The following RBPMS variants were observed in gnomAD, a reference collection of about 807,000 sequenced individuals.
RBPMS encodes the protein RNA binding protein, mRNA processing factor.
RBPMS carries 7 observed loss-of-function variants against 26.8 expected under a neutral mutation model. The ratio of observed to expected loss-of-function variants is 0.26; its 90% CI spans 0.15 to 0.49. RBPMS has a LOEUF of 0.49. RBPMS is among the 20% of genes least tolerant of loss of function. The probability of loss-of-function intolerance (pLI) is 0.98; values close to 1 mark genes in which losing one functional copy is unlikely to be tolerated. For missense variants in RBPMS, 186 were observed against 250.0 expected (o/e 0.74, Z 1.73); for synonymous variants, 96 against 93.3 (o/e 1.03, Z -0.17).
At chr8:30,498,599 T>C (rs566260902) in intron 4 of RBPMS, among the ~76,000 whole-genome samples, 1 of 152,158 alleles carries the variant, frequency 6.6e-6, no homozygotes, top group South Asian at 2.1e-4. Context: ...CCAAATAATA[T>C]ACATATTGGC....
chr8:30,477,561 G>A (rs979142385), intron 2 of RBPMS, among the ~76,000 whole-genome samples: 19 of 152,006 alleles, frequency 1.2e-4, no homozygotes, highest in African/African-American at 4.4e-4. Flanking sequence ...AAAAAAAATA[G>A]AAGGAAGAGA....
intron 1 of RBPMS, among the ~76,000 whole-genome samples, chr8:30,388,478 T>C (rs1292405231): frequency 1.1e-4 from 12 of 107,800 alleles, no homozygotes; most frequent in African/African-American, 4.1e-4. Flanking sequence ...CTTATAGCTA[T>C]AGCTATAAGC....
chr8:30,541,655 CAAT>C (rs1825402443), intron 5 of RBPMS, among the ~76,000 whole-genome samples: 1 of 152,124 alleles, frequency 6.6e-6, no homozygotes, highest in Admixed American at 6.5e-5. Context: ...CCCTAAACTC[CAAT>C]TCATCCCAGT....
chr8:30,452,804 G>A (rs1814742391), intron 1 of RBPMS, among the ~76,000 whole-genome samples: 1 of 152,164 alleles, frequency 6.6e-6, no homozygotes, highest in African/African-American at 2.4e-5. Context: ...GCACTTGTTT[G>A]TGTCATGTGA....
chr8:30,443,745 C>T (rs1813400946), intron 1 of RBPMS, among the ~76,000 whole-genome samples: 3 of 151,908 alleles, frequency 2.0e-5, no homozygotes, highest in African/African-American at 2.4e-5. Context: ...CAGGCGTGCA[C>T]CACCACCACG....
chr8:30,417,451 C>G (rs939203710), intron 1 of RBPMS, among the ~76,000 whole-genome samples: 2 of 151,354 alleles, frequency 1.3e-5, no homozygotes, highest in Non-Finnish European at 2.9e-5. Flanking sequence ...AAGTTGCAAA[C>G]CAAAAAAACA....
chr8:30,408,712 C>G (rs954070510), intron 1 of RBPMS, among the ~76,000 whole-genome samples: 1 of 152,168 alleles, frequency 6.6e-6, no homozygotes, highest in Non-Finnish European at 1.5e-5. Flanking sequence ...ATAACTCTCT[C>G]ACCTCTTAAA....
chr8:30,490,058 C>T (rs761808480), intron 4 of RBPMS, among the ~76,000 whole-genome samples: 6 of 151,856 alleles, frequency 4.0e-5, no homozygotes, highest in Non-Finnish European at 5.9e-5. Flanking sequence ...GTGATCCTCC[C>T]GCCTCGGCCT....
At position 30,514,680 on chromosome 8, in the gene RBPMS, C is replaced by CTTTTTTTTTTTTTTTTTTTTT. The variant is rs577244764; in HGVS notation, c.397+10247_397+10267dup. On this transcript the variant is annotated intron_variant, in intron 5 of 8. Coordinates refer to ENST00000397323, the MANE Select transcript of RBPMS (RefSeq NM_001008710.3). The stretch of plus-strand genomic sequence containing the variant: ...TACGGGTGCGAGCCACCATGCCGGG[C>CTTTTTTTTTTTTTTTTTTTTT]TTTTTTTTTTTTTTTTTTTTTTTAA... Among the ~76,000 whole-genome samples, 2 of 82,650 alleles carry CTTTTTTTTTTTTTTTTTTTTT rather than the reference C, an allele frequency of 2.4e-5. 1 individual carries two copies. Among genetic ancestry groups the CTTTTTTTTTTTTTTTTTTTTT allele is most frequent in the African/African-American group, 1.1e-4 (2 of 19,006 alleles). 54.2% of individuals were successfully genotyped at this position (82,650 alleles called of 152,430 possible).
chr8:30,391,327 G>A (rs750971428), intron 1 of RBPMS, among the ~76,000 whole-genome samples: 1 of 152,200 alleles, frequency 6.6e-6, no homozygotes, highest in Non-Finnish European at 1.5e-5. Flanking sequence ...GACTCCCTGT[G>A]TTCCCAAACA....
intron 1 of RBPMS, among the ~76,000 whole-genome samples, chr8:30,471,468 G>A (rs757361327): frequency 6.6e-6 from 1 of 152,008 alleles, no homozygotes; most frequent in Non-Finnish European, 1.5e-5. Flanking sequence ...TTTATCACAT[G>A]GTAAGATGCA....
chr8:30,562,417 T>C (rs1459442230), intron 7 of RBPMS, among the ~76,000 whole-genome samples: 2 of 151,592 alleles, frequency 1.3e-5, no homozygotes, highest in Non-Finnish European at 2.9e-5. Flanking sequence ...GACTCCTTCC[T>C]CGGAGCCTGT....
chr8:30,419,450 ATGTG>A (rs71278690), intron 1 of RBPMS, among the ~76,000 whole-genome samples: 56 of 143,272 alleles, frequency 3.9e-4, no homozygotes, highest in South Asian at 1.1e-3. Context: ...CATCTCAAAA[ATGTG>A]TGTGTGTGTG....
intron 1 of RBPMS, among the ~76,000 whole-genome samples, chr8:30,392,332 G>A (rs1807879603): frequency 1.3e-5 from 2 of 152,134 alleles, no homozygotes; most frequent in African/African-American, 4.8e-5. Flanking sequence ...CAAGGAAATC[G>A]CTCTGTGAAT....
At chr8:30,502,359 G>A (rs1820651817) in intron 4 of RBPMS, among the ~76,000 whole-genome samples, 1 of 152,166 alleles carries the variant, frequency 6.6e-6, no homozygotes, top group African/African-American at 2.4e-5. Context: ...CAGTGAAAGA[G>A]CTGAGGCATA....
intron 1 of RBPMS, among the ~76,000 whole-genome samples, chr8:30,468,081 A>G (rs1816702869): frequency 1.3e-5 from 2 of 152,070 alleles, no homozygotes; most frequent in African/African-American, 4.8e-5. Context: ...TTTTCCCTTA[A>G]TAATTGTGAA....
At chr8:30,456,604 CT>C (rs1482588375) in intron 1 of RBPMS, among the ~76,000 whole-genome samples, 1 of 152,076 alleles carries the variant, frequency 6.6e-6, no homozygotes, top group Non-Finnish European at 1.5e-5. Context: ...TTTGGAAATT[CT>C]TTCACTGGGA....
At chr8:30,551,720 C>T (rs4733499) in intron 6 of RBPMS, among the ~76,000 whole-genome samples, 33,180 of 152,024 alleles carry the variant, frequency 0.22, 4,107 homozygotes, top group East Asian at 0.39. Flanking sequence ...CTGTCACAGT[C>T]GGGTGCTGCT....
chr8:30,549,623 G>A, intron 6 of RBPMS: 2 of 1,527,200 alleles, frequency 1.3e-6, no homozygotes, highest in Non-Finnish European at 1.8e-6. Flanking sequence ...AGCTCTCACA[G>A]GAGGAGGGGC....
Sources: allele counts gnomAD v4.1 joint callset (sites outside exome capture counted in the v4.1 genomes callset), GRCh38; gene constraint gnomAD v4.1.1; transcripts MANE v1.5; gene names NCBI Gene and HGNC (gene_info 2026-07-23, HGNC 2026-07-21).